Variants in CLEC19A observed in about 807,000 individuals in gnomAD.
CLEC19A encodes the protein C-type lectin domain containing 19A, also known as C-type lectin domain family 19 member A.
CLEC19A carries 21 observed loss-of-function variants against 26.1 expected under a neutral mutation model. The ratio of observed to expected loss-of-function variants is 0.80; its 90% confidence interval spans 0.57 to 1.16. CLEC19A has a LOEUF of 1.16. CLEC19A is among the 50% of genes most tolerant of loss of function. CLEC19A has a pLI of 0.00. For synonymous variants in CLEC19A, 89 were observed against 88.6 expected, an observed-to-expected ratio of 1.00 and a Z score of -0.03; for missense variants, 224 against 227.6, an observed-to-expected ratio of 0.98 and a Z score of 0.10.
intron 3 of CLEC19A, among the ~76,000 whole-genome samples, chr16:19,306,184 T>C (rs546619238): frequency 4.0e-5 from 6 of 149,696 alleles, no homozygotes; most frequent in East Asian, 4.0e-4. Context: ...CTTGCTCTGT[T>C]GCTCAGGCTG....
At chr16:19,289,224 C>T (rs1897531844) in intron 1 of CLEC19A, among the ~76,000 whole-genome samples, 1 of 152,138 alleles carries the variant, frequency 6.6e-6, no homozygotes, top group South Asian at 2.1e-4. Flanking sequence ...CTATCCAGTT[C>T]CCCCTCCTCC....
chr16:19,289,080 G>A (rs1897529021), intron 1 of CLEC19A, among the ~76,000 whole-genome samples: 1 of 152,158 alleles, frequency 6.6e-6, no homozygotes, highest in African/African-American at 2.4e-5. Flanking sequence ...GAAAACTGAG[G>A]CACAAAGAGC....
intron 1 of CLEC19A, among the ~76,000 whole-genome samples, chr16:19,287,489 T>C (rs1220313552): frequency 6.6e-6 from 1 of 152,154 alleles, no homozygotes; most frequent in Admixed American, 6.5e-5. Flanking sequence ...GACATTCCAT[T>C]CATAGCAGTG....
intron 1 of CLEC19A, 86 bp downstream of exon 1, chr16:19,286,025 G>A: frequency 7.6e-7 from 1 of 1,316,452 alleles, no homozygotes; most frequent in Non-Finnish European, 1.1e-6. Context: ...GGCAGCTTCT[G>A]TTGGGGGGTT....
chr16:19,291,589 G>A (rs1284063217), intron 1 of CLEC19A, among the ~76,000 whole-genome samples: 1 of 152,224 alleles, frequency 6.6e-6, no homozygotes, highest in African/African-American at 2.4e-5. Context: ...GGCGCTGATT[G>A]TTGTGTTGCC....
chr16:19,294,562 C>T (rs1480759978), intron 1 of CLEC19A, among the ~76,000 whole-genome samples: 1 of 152,146 alleles, frequency 6.6e-6, no homozygotes, highest in Non-Finnish European at 1.5e-5. Flanking sequence ...AAACATCCTC[C>T]TACAGTCAGA....
At chr16:19,300,466 T>G (rs762648346) in intron 2 of CLEC19A, among the ~76,000 whole-genome samples, 13 of 151,612 alleles carry the variant, frequency 8.6e-5, no homozygotes, top group Non-Finnish European at 1.6e-4. Flanking sequence ...GAGGATCACT[T>G]GAGCCCGAGA....
intron 1 of CLEC19A, among the ~76,000 whole-genome samples, chr16:19,298,444 G>C (rs531997682): frequency 3.9e-5 from 6 of 152,166 alleles, no homozygotes; most frequent in Non-Finnish European, 7.4e-5. Flanking sequence ...GTGCACACCT[G>C]TGGTCCCAGC....
At chr16:19,302,469 C>G (rs1897855136) in intron 2 of CLEC19A, among the ~76,000 whole-genome samples, 1 of 152,150 alleles carries the variant, frequency 6.6e-6, no homozygotes, top group African/African-American at 2.4e-5. Flanking sequence ...ATTATTGAAG[C>G]TGATGGGAGC....
At chr16:19,287,460 A>G (rs1897497089) in intron 1 of CLEC19A, among the ~76,000 whole-genome samples, 1 of 152,200 alleles carries the variant, frequency 6.6e-6, no homozygotes, top group Non-Finnish European at 1.5e-5. Flanking sequence ...AATTGGGGGC[A>G]GGGAAGAGGA....
intron 4 of CLEC19A, 78 bp downstream of exon 4, chr16:19,307,755 G>A: frequency 1.3e-6 from 2 of 1,519,484 alleles, no homozygotes; most frequent in South Asian, 2.4e-5. Flanking sequence ...GAAGGGCCTT[G>A]GGGGAAGAGG....
chr16:19,301,760 TTTTTG>T (rs1897838481), intron 2 of CLEC19A, among the ~76,000 whole-genome samples: 1 of 137,950 alleles, frequency 7.2e-6, no homozygotes, highest in Non-Finnish European at 1.6e-5. Flanking sequence ...TTTTTTTTTT[TTTTTG>T]TATTTTTAGC....
At chr16:19,287,128 T>C (rs1897489129) in intron 1 of CLEC19A, among the ~76,000 whole-genome samples, 1 of 151,730 alleles carries the variant, frequency 6.6e-6, no homozygotes, top group African/African-American at 2.4e-5. Flanking sequence ...ACTCTCTGAG[T>C]GTATTCATCA....
intron 3 of CLEC19A, chr16:19,304,397 A>T (rs1897905786): frequency 3.4e-5 from 1 of 29,304 alleles, no homozygotes; most frequent in Non-Finnish European, 6.8e-5. Context: ...GGGTTCTCTT[A>T]AAAAAAAAAA....
chr16:19,308,279 G>A (rs1331161723), intron 4 of CLEC19A, among the ~76,000 whole-genome samples: 2 of 152,214 alleles, frequency 1.3e-5, no homozygotes, highest in Non-Finnish European at 2.9e-5. Context: ...GCAAGAGCAT[G>A]GACTCGGGAG....
chr16:19,301,766 T>TTTTTTTTTTTA (rs1291095115), intron 2 of CLEC19A, among the ~76,000 whole-genome samples: 69 of 116,156 alleles, frequency 5.9e-4, no homozygotes, highest in Non-Finnish European at 9.3e-4. Context: ...TTTTTTTTTG[T>TTTTTTTTTTTA]ATTTTTAGCA....
chr16:19,307,813 C>A, intron 4 of CLEC19A, 136 bp downstream of exon 4: 1 of 1,147,662 alleles, frequency 8.7e-7, no homozygotes, highest in Non-Finnish European at 1.2e-6. Flanking sequence ...CCTTGGAGAG[C>A]GGTGGAGGTC....
At chr16:19,303,149 A>G (rs1407207694) in intron 2 of CLEC19A, among the ~76,000 whole-genome samples, 2 of 152,234 alleles carry the variant, frequency 1.3e-5, no homozygotes, top group African/African-American at 4.8e-5. Flanking sequence ...GAGTTCATGC[A>G]CTTAAGACAC....
chr16:19,289,122 A>C (rs538036816), intron 1 of CLEC19A, among the ~76,000 whole-genome samples: 1 of 152,356 alleles, frequency 6.6e-6, no homozygotes, highest in Admixed American at 6.5e-5. Flanking sequence ...CTGACTCCAG[A>C]GTCCAAGCTC....
Sources: gnomAD v4.1 joint callset for allele counts (sites outside exome capture counted in the v4.1 genomes callset) on GRCh38, gnomAD v4.1.1 for gene constraint, MANE v1.5 for transcripts, NCBI Gene and HGNC (gene_info 2026-07-23, HGNC 2026-07-21) for gene names.